Variants in PCDH15 observed in about 807,000 individuals in gnomAD.
PCDH15 encodes protocadherin-15.
A neutral mutation model predicts 178.5 loss-of-function variants in PCDH15; 129 were observed. That is an observed-to-expected ratio of 0.72 (90% CI 0.63 to 0.84). The LOEUF (loss-of-function observed/expected upper bound fraction) is 0.84. Among genes scored for constraint, PCDH15 ranks in the 40% least tolerant of loss-of-function variants. The pLI is 0.00. For missense variants in PCDH15, 2,230 were observed against 2,099.9 expected, an observed-to-expected ratio of 1.06 and a Z score of -1.21; for synonymous variants, 800 against 732.0, an observed-to-expected ratio of 1.09 and a Z score of -1.50.
intron 2 of PCDH15, among the ~76,000 whole-genome samples, chr10:55,021,324 A>G (rs1840321719): frequency 6.6e-6 from 1 of 152,222 alleles, no homozygotes; most frequent in Non-Finnish European, 1.5e-5. Context: ...ACCTCACAAA[A>G]TGACTTCCCT....
intron 1 of PCDH15, among the ~76,000 whole-genome samples, chr10:55,256,600 C>A (rs7068916): frequency 0.53 from 80,409 of 152,008 alleles, 21,599 homozygotes; most frequent in South Asian, 0.6. Context: ...CTCGGAGGGT[C>A]CCATGCCCAT....
chr10:54,040,420 T>TACTTTC (rs1362849837), intron 18 of PCDH15, among the ~76,000 whole-genome samples: 7 of 152,006 alleles, frequency 4.6e-5, no homozygotes, highest in Non-Finnish European at 1.0e-4. Context: ...ACGTGCCTTT[T>TACTTTC]ACTTTCTGCC....
chr10:54,335,222 C>A lies in PCDH15; in HGVS notation c.595-5516G>T, dbSNP rs558232347. On this transcript the variant is annotated intron_variant, in intron 6 of 37. Coordinates refer to ENST00000644397, the MANE Select transcript of PCDH15 (RefSeq NM_001384140.1). Reference sequence around the variant, plus strand: ...CTTTGCTCCTAAGAGAAAGTCCCAACACTCTAATCATTTTTTCTGTTTCAT... The same window carrying A: ...CTTTGCTCCTAAGAGAAAGTCCCAAAACTCTAATCATTTTTTCTGTTTCAT... 3.9e-5 allele frequency among the ~76,000 whole-genome samples: 6 copies of A among 152,342 alleles called. No individual in the cohort carries two copies. In the East Asian group the frequency reaches 1.2e-3, roughly 30 times the overall value.
In PCDH15 at chr10:53,967,553, TAAACCACTGC is replaced by T. The variant is rs2089176118; in HGVS notation, c.2869-5671_2869-5662del. On this transcript the variant is annotated intron_variant, in intron 21 of 37. Coordinates refer to ENST00000644397, the MANE Select transcript of PCDH15 (RefSeq NM_001384140.1). Reference sequence around the variant, plus strand: ...TCCCAAAGTATTAGGATTACAGGTGTAAACCACTGCACCTGGCCTAGACAAACATTAAATT... The same window carrying T: ...TCCCAAAGTATTAGGATTACAGGTGTACCTGGCCTAGACAAACATTAAATT... Among the ~76,000 whole-genome samples the T allele has an allele frequency of 6.6e-5, 10 of 152,318 alleles. No individual in the cohort carries two copies. The South Asian group carries it at 2.1e-3, about 32-fold the overall frequency.
intron 16 of PCDH15, among the ~76,000 whole-genome samples, chr10:54,085,593 G>A (rs908291038): frequency 5.3e-5 from 8 of 152,112 alleles, no homozygotes; most frequent in African/African-American, 1.7e-4. Flanking sequence ...CTAGAAAAAT[G>A]CATTATATTA....
intron 1 of PCDH15, among the ~76,000 whole-genome samples, chr10:55,269,807 G>A (rs1842394152): frequency 6.6e-6 from 1 of 151,962 alleles, no homozygotes; most frequent in African/African-American, 2.4e-5. Flanking sequence ...AACCAAAAAA[G>A]AGCCCAAATA....
upstream of PCDH15, among the ~76,000 whole-genome samples, chr10:55,320,733 T>C (rs1468396362): frequency 6.6e-6 from 1 of 151,906 alleles, no homozygotes; most frequent in Non-Finnish European, 1.5e-5. Context: ...TATAACATGA[T>C]CAAACCCCCA....
At chr10:55,412,793 T>C (rs1838372357) in intron 2 of PCDH15, among the ~76,000 whole-genome samples, 1 of 151,254 alleles carries the variant, frequency 6.6e-6, no homozygotes, top group Admixed American at 6.6e-5. Context: ...TTTGAGAAAA[T>C]TTCAGCCATA....
intron 3 of PCDH15, among the ~76,000 whole-genome samples, chr10:54,460,539 G>T (rs1011030447): frequency 5.9e-5 from 9 of 152,024 alleles, no homozygotes. Context: ...CAAACACCAA[G>T]AAATAAGCAA....
At position 54,153,159 on chromosome 10, in the gene PCDH15, G is replaced by C. The variant is rs748995667; in HGVS notation, c.1725C>G (p.Val575=). The change falls in exon 14 of 38, where the codon GTC becomes GTG. Residue 575 remains valine, a synonymous_variant. Transcript: ENST00000644397. ...GGACCGTGAGTGCGTAAGTCCGCCC[G>C]ACTATCATTTCCACCCCTGGAGCGA... ...ITIAPGVEMI[V]GRTYALTVQA... The C allele has an allele frequency of 2.5e-6, 4 of 1,613,858 alleles. No individual in the cohort carries two copies. The highest frequency in any genetic ancestry group is 1.3e-5 in the African/African-American group (1 of 75,002).
chr10:54,786,375 C>T (rs1208658652), intron 1 of PCDH15, among the ~76,000 whole-genome samples: 1 of 151,998 alleles, frequency 6.6e-6, no homozygotes, highest in African/African-American at 2.4e-5. Flanking sequence ...AGGAGAAGAT[C>T]TTTCATATAC....
chr10:54,544,638 A>G (rs2085645393), intron 2 of PCDH15, among the ~76,000 whole-genome samples: 1 of 152,194 alleles, frequency 6.6e-6, no homozygotes, highest in Non-Finnish European at 1.5e-5. Flanking sequence ...AGCACTTTAT[A>G]GTTGATAACA....
intron 1 of PCDH15, among the ~76,000 whole-genome samples, chr10:55,285,545 CA>C (rs1448932820): frequency 6.6e-6 from 1 of 151,638 alleles, no homozygotes; most frequent in African/African-American, 2.4e-5. Flanking sequence ...ATAGGATGTT[CA>C]TTTTTTTTCT....
chr10:54,916,382 G>A (rs1259166963), intron 2 of PCDH15, among the ~76,000 whole-genome samples: 3 of 152,120 alleles, frequency 2.0e-5, no homozygotes, highest in Non-Finnish European at 1.5e-5. Flanking sequence ...AAATGTGTTA[G>A]GTGACTAGAG....
chr10:53,871,746 T>C (rs887924801), intron 26 of PCDH15, among the ~76,000 whole-genome samples: 1 of 151,964 alleles, frequency 6.6e-6, no homozygotes, highest in Non-Finnish European at 1.5e-5. Flanking sequence ...TTTTGTTTTG[T>C]TTTGTTTTGT....
chr10:54,430,732 A>T (rs1203934832), intron 3 of PCDH15, among the ~76,000 whole-genome samples: 4 of 152,116 alleles, frequency 2.6e-5, no homozygotes, highest in Non-Finnish European at 5.9e-5. Context: ...ACCAAACGCA[A>T]AATTACTTGT....
intron 1 of PCDH15, among the ~76,000 whole-genome samples, chr10:55,226,934 T>C (rs943651843): frequency 1.3e-5 from 2 of 151,816 alleles, no homozygotes; most frequent in Non-Finnish European, 2.9e-5. Context: ...AGTAAATACA[T>C]AGAAAATGGA....
chr10:54,520,115 A>ATACCATT (rs2082686074), intron 3 of PCDH15, among the ~76,000 whole-genome samples: 1 of 152,216 alleles, frequency 6.6e-6, no homozygotes, highest in African/African-American at 2.4e-5. Context: ...AAACCCTAGA[A>ATACCATT]GAAAACCTAG....
In PCDH15 at chr10:54,357,197, A is replaced by G. The variant is rs536676523; in HGVS notation, c.475-10713T>C. Among the ~76,000 whole-genome samples, 4 of 152,256 alleles carry G rather than the reference A, an allele frequency of 2.6e-5. No homozygotes were observed. In the East Asian group the frequency reaches 7.7e-4, roughly 29 times the overall value. ...AGGAGAAGGAAATAAAGGGTATTCA[A>G]TTAGGAAAAGAGGAAGTCAAATTGT... On this transcript the variant is annotated intron_variant, in intron 5 of 37. Transcript: ENST00000644397.
Sources: allele counts gnomAD v4.1 joint callset (sites outside exome capture counted in the v4.1 genomes callset), GRCh38; gene constraint gnomAD v4.1.1; transcripts MANE v1.5; gene names NCBI Gene and HGNC (gene_info 2026-07-23, HGNC 2026-07-21).